Variants in TNRC18 observed in about 807,000 individuals in gnomAD.
TNRC18 encodes trinucleotide repeat-containing gene 18 protein.
In TNRC18, 69 loss-of-function variants were observed where a neutral mutation model predicts 226.7. The observed-to-expected ratio is 0.30, with a 90% CI of 0.25 to 0.37. The LOEUF is 0.37. TNRC18 is among the 10% of genes least tolerant of loss of function. The pLI is 1.00. For missense variants in TNRC18, 4,754 were observed against 4,256.6 expected (o/e 1.12, Z -3.25); for synonymous variants, 2,449 against 1,927.6 (o/e 1.27, Z -7.09).
rs781466425 is a variant in TNRC18 at position 5,307,722 on chromosome 7, C to T, written c.*384G>A. ...GTCAGTTTGGTTCCTTAGAAGCGCC[C>T]CTCCCCACCGAATCCCCAGTCTGCA... On this transcript the variant is annotated 3_prime_UTR_variant, in exon 30 of 30. Coordinates refer to ENST00000430969, the MANE Select transcript of TNRC18 (RefSeq NM_001080495.3). 29 of 339,424 alleles carry T rather than the reference C, an allele frequency of 8.5e-5. No individual in the cohort carries two copies. Among genetic ancestry groups the T allele is most frequent in the Middle Eastern group, 1.1e-3 (1 of 932 alleles). 21.0% of individuals were successfully genotyped at this position (339,424 alleles called of 1,614,324 possible).
At chr7:5,412,685 G>C (rs373105424) in intron 2 of TNRC18, among the ~76,000 whole-genome samples, 1 of 152,176 alleles carries the variant, frequency 6.6e-6, no homozygotes, top group South Asian at 2.1e-4. Context: ...AAAAAATTGA[G>C]GTTTAGAAAG....
chr7:5,345,750 C>T lies in TNRC18; in HGVS notation c.5531G>A (p.Gly1844Asp), dbSNP rs188887645. The stretch of plus-strand genomic sequence containing the variant: ...CCGGGCACCCAGCCTGTAGCCACCA[C>T]CGCTGGCCTCGTCCTCCTCCTCGAG... ...EELEEEDEASGGGYRLGARER... is the reference protein window; with the variant it reads ...EELEEEDEASDGGYRLGARER... Residue 1844 changes from glycine (G) to aspartate (D), a missense_variant, in exon 18 of 30, where the codon GGT (glycine) becomes GAT (aspartate). Gly to Asp is a moderately conservative substitution (Grantham distance 94). Transcript: ENST00000430969. The T allele has an allele frequency of 9.0e-6, 14 of 1,548,534 alleles. No individual in the cohort carries two copies. The highest frequency in any genetic ancestry group is 1.7e-4 in the Middle Eastern group (1 of 5,992).
At chr7:5,349,671 G>A (rs192345411) in intron 17 of TNRC18, among the ~76,000 whole-genome samples, 544 of 152,352 alleles carry the variant, frequency 3.6e-3, no homozygotes, top group Non-Finnish European at 5.5e-3. Context: ...CCCAGCCTTC[G>A]CTTTGCGTCC....
chr7:5,342,194 C>T (rs576794585), intron 18 of TNRC18, among the ~76,000 whole-genome samples: 140 of 152,154 alleles, frequency 9.2e-4, no homozygotes, highest in Non-Finnish European at 1.1e-3. Context: ...TTTGGGAGGC[C>T]GAGGCAAGTG....
At chr7:5,346,024 G>C (rs981114270) in intron 17 of TNRC18, among the ~76,000 whole-genome samples, 5 of 152,230 alleles carry the variant, frequency 3.3e-5, no homozygotes, top group Non-Finnish European at 5.9e-5. Flanking sequence ...GGGCATCCCA[G>C]AAAGCCCGGA....
chr7:5,308,368 G>A (rs1013517272), intron 29 of TNRC18, 56 bp from the exon 30 acceptor site: 271 of 1,512,070 alleles, frequency 1.8e-4, no homozygotes, highest in Non-Finnish European at 2.3e-4. Flanking sequence ...GGCCGAGGGA[G>A]CCCCAGGGAG....
At chr7:5,399,738 G>C (rs1211673472) in intron 2 of TNRC18, among the ~76,000 whole-genome samples, 2 of 150,672 alleles carry the variant, frequency 1.3e-5, no homozygotes, top group Non-Finnish European at 3.0e-5. Context: ...AAAACACACA[G>C]CCGGCACGAT....
rs796367981 is a variant in TNRC18, at chr7:5,399,212, C to CA, written c.188-4618dup. Among the ~76,000 whole-genome samples the CA allele has an allele frequency of 5.5e-4, 83 of 152,230 alleles. 1 individual carries two copies. The highest frequency in any genetic ancestry group is 2.0e-3 in the African/African-American group (83 of 41,530). On this transcript the variant is annotated intron_variant, in intron 2 of 29. Transcript: ENST00000430969. ...ATGCAAGCCTCAGGGTGCCAGGGGG[C>CA]ACTGAGTTAGGCCCAGAGCTCACTG...
intron 8 of TNRC18, 84 bp downstream of exon 8, chr7:5,376,763 C>T: frequency 6.6e-7 from 1 of 1,523,970 alleles, no homozygotes; most frequent in Non-Finnish European, 8.9e-7. Context: ...CGCCACCCCT[C>T]AGCAGGAAGC....
At chr7:5,408,517 G>A (rs1009289466) in intron 2 of TNRC18, among the ~76,000 whole-genome samples, 7 of 151,446 alleles carry the variant, frequency 4.6e-5, no homozygotes, top group Non-Finnish European at 8.8e-5. Context: ...GTGTGGCAGC[G>A]CGTGCAGCTA....
chr7:5,393,293 C>T (rs1780431384), intron 3 of TNRC18, among the ~76,000 whole-genome samples: 1 of 152,256 alleles, frequency 6.6e-6, no homozygotes, highest in Admixed American at 6.5e-5. Flanking sequence ...TCTGTGCAGG[C>T]TGGGCACCCT....
At position 5,359,413 on chromosome 7, in the gene TNRC18, C is replaced by G. The variant is rs12531309; in HGVS notation, c.4818G>C (p.Ser1606=). The G allele has an allele frequency of 0.29, 470,129 of 1,613,692 alleles. 69,327 individuals carry two copies. Among genetic ancestry groups the G allele is most frequent in the Admixed American group, 0.31 (18,512 of 59,996 alleles). ...NQTWDEHEAS[S]DFISQLKIKK... ...GGTTACTCACCTGACTGATGAAGTC[C>G]GACGAGGCCTCATGTTCATCCCAAG... The change falls in exon 15 of 30, where the codon TCG becomes TCC. Residue 1606 remains serine (S), a synonymous_variant. Transcript: ENST00000430969.
At chr7:5,418,987 C>G (rs1361933398) in intron 2 of TNRC18, among the ~76,000 whole-genome samples, 3 of 152,222 alleles carry the variant, frequency 2.0e-5, no homozygotes, top group African/African-American at 7.2e-5. Context: ...CCCGGGTGAG[C>G]ACGGGGTTCA....
intron 17 of TNRC18, among the ~76,000 whole-genome samples, chr7:5,351,142 C>T (rs897297023): frequency 6.6e-6 from 1 of 151,944 alleles, no homozygotes; most frequent in African/African-American, 2.4e-5. Flanking sequence ...TTGAATAACA[C>T]AGGCAAGCGG....
intron 21 of TNRC18, among the ~76,000 whole-genome samples, chr7:5,323,338 C>A (rs184298200): frequency 1.2e-3 from 187 of 151,250 alleles, no homozygotes; most frequent in Middle Eastern, 6.8e-3. Flanking sequence ...GGCTTCCCCC[C>A]ACCCCCACAC....
chr7:5,417,897 A>C (rs1782289931), intron 2 of TNRC18, among the ~76,000 whole-genome samples: 1 of 152,184 alleles, frequency 6.6e-6, no homozygotes, highest in Non-Finnish European at 1.5e-5. Flanking sequence ...TGGATTCCAG[A>C]GATGGATCTG....
At chr7:5,360,279 C>G (rs1387281651) in intron 14 of TNRC18, among the ~76,000 whole-genome samples, 1 of 151,804 alleles carries the variant, frequency 6.6e-6, no homozygotes, top group Non-Finnish European at 1.5e-5. Context: ...TGCCAGGATG[C>G]AGTGCAATGG....
chr7:5,337,984 A>AAAAAC (rs1161384487), intron 18 of TNRC18, among the ~76,000 whole-genome samples: 1 of 152,188 alleles, frequency 6.6e-6, no homozygotes, highest in Non-Finnish European at 1.5e-5. Flanking sequence ...CTCCATCTCA[A>AAAAAC]AAAACAAAAC....
chr7:5,359,930 G>A (rs1431238995), intron 14 of TNRC18, among the ~76,000 whole-genome samples: 1 of 152,104 alleles, frequency 6.6e-6, no homozygotes, highest in East Asian at 1.9e-4. Context: ...GGATGGCAGG[G>A]GGAGTTCAGA....
Sources: gnomAD v4.1 joint callset for allele counts (sites outside exome capture counted in the v4.1 genomes callset) on GRCh38, gnomAD v4.1.1 for gene constraint, MANE v1.5 for transcripts, NCBI Gene and HGNC (gene_info 2026-07-23, HGNC 2026-07-21) for gene names.